The following KDM4C variants were observed in gnomAD, a reference collection of about 807,000 sequenced individuals.
KDM4C encodes lysine-specific demethylase 4C.
Under a neutral mutation model 129.3 loss-of-function variants are expected in KDM4C, and 81 were observed. The observed-to-expected ratio is 0.63, with a 90% CI of 0.52 to 0.75. The LOEUF (loss-of-function observed/expected upper bound fraction) is 0.75, where lower values mean the gene tolerates loss of function less well. KDM4C is among the 30% of genes least tolerant of loss of function. The probability of loss-of-function intolerance (pLI) is 0.00; values close to 1 mark genes in which losing one functional copy is unlikely to be tolerated. For synonymous variants in KDM4C, 573 were observed against 456.1 expected (o/e 1.26, Z -3.26); for missense variants, 1,457 against 1,304.0 (o/e 1.12, Z -1.81).
intron 1 of KDM4C, among the ~76,000 whole-genome samples, chr9:6,752,458 T>A (rs1818106050): frequency 7.0e-6 from 1 of 143,096 alleles, no homozygotes; most frequent in Non-Finnish European, 1.5e-5. Context: ...TTGCCCAAGC[T>A]GGAATGCAAT....
chr9:6,790,654 C>CAAAA (rs1186296239), intron 1 of KDM4C, among the ~76,000 whole-genome samples: 102 of 65,190 alleles, frequency 1.6e-3, no homozygotes, highest in Non-Finnish European at 2.2e-3. Flanking sequence ...TTAAATTCAG[C>CAAAA]AAAAAAAAAA....
chr9:6,973,126 A>G (rs1345724223), intron 8 of KDM4C, among the ~76,000 whole-genome samples: 1 of 152,212 alleles, frequency 6.6e-6, no homozygotes, highest in Non-Finnish European at 1.5e-5. Flanking sequence ...CTGAAAAAGT[A>G]TGTTTTGTCA....
chr9:6,992,247 G>T (rs1157436140), intron 12 of KDM4C, among the ~76,000 whole-genome samples: 1 of 152,122 alleles, frequency 6.6e-6, no homozygotes, highest in Non-Finnish European at 1.5e-5. Flanking sequence ...GTCCTTATTT[G>T]CCTAGGAAGT....
chr9:6,793,692 C>G (rs760664944), intron 2 of KDM4C, among the ~76,000 whole-genome samples: 1 of 151,978 alleles, frequency 6.6e-6, no homozygotes, highest in African/African-American at 2.4e-5. Context: ...AGGCACCCAC[C>G]ACCATGCCCC....
intron 18 of KDM4C, among the ~76,000 whole-genome samples, chr9:7,109,766 C>G (rs1447547259): frequency 6.6e-6 from 1 of 152,092 alleles, no homozygotes. Flanking sequence ...CTTTTGGAGC[C>G]TCTTCTAGGT....
intron 1 of KDM4C, among the ~76,000 whole-genome samples, chr9:6,730,333 C>G (rs1317155593): frequency 6.6e-6 from 1 of 151,690 alleles, no homozygotes; most frequent in East Asian, 2.0e-4. Context: ...TTTAATTGAG[C>G]GGCTGGGCGT....
chr9:6,996,713 A>G (rs1819824157), intron 12 of KDM4C, among the ~76,000 whole-genome samples: 1 of 152,216 alleles, frequency 6.6e-6, no homozygotes, highest in Non-Finnish European at 1.5e-5. Context: ...TAGCTAACAT[A>G]CTTGTGCTGA....
intron 5 of KDM4C, among the ~76,000 whole-genome samples, chr9:6,869,573 C>G (rs1842552159): frequency 6.6e-6 from 1 of 152,212 alleles, no homozygotes. Context: ...AAGGTGAACT[C>G]CAGCAGAGTC....
chr9:6,854,521 G>A (rs866583130), intron 5 of KDM4C, among the ~76,000 whole-genome samples: 34 of 81,942 alleles, frequency 4.1e-4, no homozygotes, highest in African/African-American at 1.4e-3. Flanking sequence ...GCGAAACTCC[G>A]TCTCAAAAAA....
At chr9:6,732,616 A>C (rs1039528367) in intron 1 of KDM4C, among the ~76,000 whole-genome samples, 1 of 152,146 alleles carries the variant, frequency 6.6e-6, no homozygotes, top group Non-Finnish European at 1.5e-5. Context: ...GAGAATCAAC[A>C]AATGGTGAAG....
At chr9:6,975,175 C>G (rs1832718867) in intron 8 of KDM4C, among the ~76,000 whole-genome samples, 1 of 152,068 alleles carries the variant, frequency 6.6e-6, no homozygotes, top group Admixed American at 6.5e-5. Flanking sequence ...TGCAAATATT[C>G]CAGAGAAATT....
At chr9:7,105,504 A>G (rs939278252) in intron 18 of KDM4C, 1 of 469,340 alleles carries the variant, frequency 2.1e-6, no homozygotes, top group South Asian at 1.6e-5. Flanking sequence ...GGGCCACGTG[A>G]GTAGTGTTTT....
intron 4 of KDM4C, among the ~76,000 whole-genome samples, chr9:6,846,687 A>G (rs1191183572): frequency 1.3e-5 from 2 of 152,232 alleles, no homozygotes; most frequent in African/African-American, 2.4e-5. Context: ...TTATTTGCCC[A>G]TTAACGGGGA....
At chr9:7,165,479 C>T (rs1222327732) in intron 20 of KDM4C, 122 bp downstream of exon 20, 4 of 1,129,518 alleles carry the variant, frequency 3.5e-6, no homozygotes, top group Admixed American at 2.3e-5. Context: ...TTATTTTATG[C>T]AGGAGGCAAA....
At chr9:6,834,549 C>G in intron 4 of KDM4C, 1 of 696,780 alleles carries the variant, frequency 1.4e-6, no homozygotes, top group Non-Finnish European at 2.7e-6. Flanking sequence ...GCCGTCTTCC[C>G]CTTCATCGTG....
Position 7,165,252 on chromosome 9 carries a change from G to A in KDM4C, c.2796G>A (p.Leu932=). The A allele has an allele frequency of 6.2e-7, 1 of 1,614,166 alleles. No homozygotes were observed. Among genetic ancestry groups the A allele is most frequent in the Non-Finnish European group, 8.5e-7 (1 of 1,180,016 alleles). ...FPEDIVSRDC[L]KLGPPAEGEV... ...TTATTCTGCAGAGCCGAGACTGTCTGAAGCTGGGCCCACCTGCTGAGGGAG... is the reference window on the plus strand; with the variant it reads ...TTATTCTGCAGAGCCGAGACTGTCTAAAGCTGGGCCCACCTGCTGAGGGAG... The change falls in exon 20 of 22, where the codon CTG becomes CTA. Residue 932 remains leucine, a synonymous_variant. Coordinates refer to ENST00000381309, the MANE Select transcript of KDM4C (RefSeq NM_015061.6).
chr9:6,956,787 C>G lies in KDM4C; in HGVS notation c.922-24138C>G, dbSNP rs115458515. On this transcript the variant is annotated intron_variant, in intron 8 of 21. Coordinates refer to ENST00000381309, the MANE Select transcript of KDM4C (RefSeq NM_015061.6). ...CTGTGCAGCTTAGGTGATTAACCAG[C>G]TGGCATGCTTTATGTTTTTTGGTAG... Among the ~76,000 whole-genome samples, 888 of 152,314 alleles carry G rather than the reference C, an allele frequency of 5.8e-3. 8 individuals are homozygous for G. The highest frequency in any genetic ancestry group is 0.02 in the African/African-American group (843 of 41,560).
intron 12 of KDM4C, among the ~76,000 whole-genome samples, chr9:7,009,951 T>C (rs1236126584): frequency 6.6e-6 from 1 of 152,200 alleles, no homozygotes; most frequent in Non-Finnish European, 1.5e-5. Flanking sequence ...GAAAAAGATA[T>C]GTCATGAAGG....
chr9:6,807,078 C>G (rs995049370), intron 3 of KDM4C, among the ~76,000 whole-genome samples: 1 of 152,068 alleles, frequency 6.6e-6, no homozygotes. Flanking sequence ...TTGGTGGAGA[C>G]GGGGTTTCGC....
Sources: gnomAD v4.1 joint callset for allele counts (sites outside exome capture counted in the v4.1 genomes callset) on GRCh38, gnomAD v4.1.1 for gene constraint, MANE v1.5 for transcripts, NCBI Gene and HGNC (gene_info 2026-07-23, HGNC 2026-07-21) for gene names.